The following DSCAM variants were observed in gnomAD, a reference collection of about 807,000 sequenced individuals.
DSCAM encodes the protein cell adhesion molecule DSCAM.
DSCAM carries 47 observed loss-of-function variants against 217.7 expected under a neutral mutation model. That is an observed-to-expected ratio of 0.22 (90% CI 0.17 to 0.28). DSCAM has a LOEUF of 0.28. Ranked by LOEUF, DSCAM falls within the 10% of genes least tolerant of loss-of-function variation. The pLI is 1.00. For missense variants in DSCAM, 2,080 were observed against 2,618.3 expected (o/e 0.79, Z 4.49); for synonymous variants, 1,056 against 1,015.3 (o/e 1.04, Z -0.76).
intron 3 of DSCAM, among the ~76,000 whole-genome samples, chr21:40,456,297 T>C (rs138984690): frequency 6.6e-6 from 1 of 151,660 alleles, no homozygotes; most frequent in Non-Finnish European, 1.5e-5. Context: ...AGAAAAAAAA[T>C]TTTTTAGAGT....
At chr21:40,580,075 G>A (rs2076892006) in intron 3 of DSCAM, among the ~76,000 whole-genome samples, 1 of 149,816 alleles carries the variant, frequency 6.7e-6, no homozygotes, top group African/African-American at 2.5e-5. Flanking sequence ...ACTTTACCAT[G>A]TTTAATTTTT....
At chr21:40,174,538 T>G (rs1431814888) in intron 15 of DSCAM, among the ~76,000 whole-genome samples, 1 of 151,702 alleles carries the variant, frequency 6.6e-6, no homozygotes, top group Non-Finnish European at 1.5e-5. Context: ...ATTCTTTTTT[T>G]TTTTTTTTAA....
chr21:40,277,131 C>G (rs1295749932), intron 10 of DSCAM, among the ~76,000 whole-genome samples: 1 of 152,014 alleles, frequency 6.6e-6, no homozygotes, highest in Non-Finnish European at 1.5e-5. Flanking sequence ...AAAGACTCTC[C>G]CAGGGCATTT....
chr21:40,135,177 C>A (rs2090194421), intron 18 of DSCAM, among the ~76,000 whole-genome samples: 1 of 152,194 alleles, frequency 6.6e-6, no homozygotes, highest in East Asian at 1.9e-4. Context: ...CACATTGGTA[C>A]CCAGAGCAGG....
At chr21:40,834,462 T>TAAG (rs1445143944) in intron 1 of DSCAM, among the ~76,000 whole-genome samples, 1 of 143,194 alleles carries the variant, frequency 7.0e-6, no homozygotes, top group Non-Finnish European at 1.5e-5. Flanking sequence ...ATAATAATAA[T>TAAG]AATAATAGTT....
At chr21:40,738,520 G>A (rs1253381624) in intron 1 of DSCAM, among the ~76,000 whole-genome samples, 1 of 152,140 alleles carries the variant, frequency 6.6e-6, no homozygotes, top group Non-Finnish European at 1.5e-5. Context: ...TTCATGATTG[G>A]TGGGTGCCCT....
intron 22 of DSCAM, among the ~76,000 whole-genome samples, chr21:40,086,830 T>C (rs147185979): frequency 6.6e-6 from 1 of 152,350 alleles, no homozygotes; most frequent in East Asian, 1.9e-4. Flanking sequence ...AATCTCACAA[T>C]AGCCTTGGCT....
intron 11 of DSCAM, among the ~76,000 whole-genome samples, chr21:40,259,658 ATTCTTTTTTTTT>A (rs2073421738): frequency 3.3e-5 from 2 of 60,144 alleles, no homozygotes; most frequent in African/African-American, 4.7e-5. Flanking sequence ...TGAGTCAGCC[ATTCTTTTTTTTT>A]TTTTTTTTTT....
chr21:40,456,803 G>A (rs761935597), intron 3 of DSCAM, among the ~76,000 whole-genome samples: 34 of 152,006 alleles, frequency 2.2e-4, no homozygotes, highest in Non-Finnish European at 1.8e-4. Flanking sequence ...GTTAATGGGT[G>A]CTCACAATAC....
At chr21:40,597,283 C>A (rs915880767) in intron 3 of DSCAM, among the ~76,000 whole-genome samples, 34 of 152,140 alleles carry the variant, frequency 2.2e-4, no homozygotes, top group African/African-American at 8.2e-4. Flanking sequence ...GAAAAATAAT[C>A]TACTTTTCCT....
intron 10 of DSCAM, among the ~76,000 whole-genome samples, chr21:40,293,494 T>G (rs972568749): frequency 5.3e-5 from 8 of 152,146 alleles, no homozygotes; most frequent in African/African-American, 1.9e-4. Context: ...AGTCCTCTTA[T>G]GAGAAAAATA....
chr21:40,836,799 G>A (rs775862328), intron 1 of DSCAM, among the ~76,000 whole-genome samples: 1 of 152,178 alleles, frequency 6.6e-6, no homozygotes, highest in Non-Finnish European at 1.5e-5. Flanking sequence ...GCTGGAAGAC[G>A]ACATAACAAA....
chr21:40,668,977 C>T (rs73220267), intron 3 of DSCAM, among the ~76,000 whole-genome samples: 2,991 of 152,242 alleles, frequency 0.02, 43 homozygotes, highest in Middle Eastern at 0.031. Flanking sequence ...ATATCACCTC[C>T]GTGCCAAACA....
At chr21:40,259,827 C>T (rs1274274968) in intron 11 of DSCAM, among the ~76,000 whole-genome samples, 4 of 151,708 alleles carry the variant, frequency 2.6e-5, no homozygotes, top group African/African-American at 9.7e-5. Flanking sequence ...GTGCCCGCCA[C>T]CACACCTGTT....
At chr21:40,641,716 T>C (rs1156724570) in intron 3 of DSCAM, among the ~76,000 whole-genome samples, 2 of 152,202 alleles carry the variant, frequency 1.3e-5, no homozygotes, top group African/African-American at 4.8e-5. Flanking sequence ...TTATTTACTC[T>C]GACATGGAGA....
At chr21:40,843,473 A>G (rs1016442787) in intron 1 of DSCAM, among the ~76,000 whole-genome samples, 1 of 151,830 alleles carries the variant, frequency 6.6e-6, no homozygotes, top group Non-Finnish European at 1.5e-5. Context: ...ATTCTTCATC[A>G]TTCTGTTTGT....
intron 3 of DSCAM, among the ~76,000 whole-genome samples, chr21:40,592,110 G>T (rs2076988333): frequency 6.6e-6 from 1 of 152,036 alleles, no homozygotes; most frequent in Non-Finnish European, 1.5e-5. Flanking sequence ...CATCCAGGAA[G>T]GCAGTAATAC....
chr21:40,661,169 A>G (rs560922897), intron 3 of DSCAM, among the ~76,000 whole-genome samples: 66 of 152,348 alleles, frequency 4.3e-4, no homozygotes, highest in Non-Finnish European at 3.4e-4. Flanking sequence ...AGCATGCACG[A>G]TATCATTTAT....
chr21:40,507,311 C>A (rs1192615172), intron 3 of DSCAM, among the ~76,000 whole-genome samples: 1 of 151,972 alleles, frequency 6.6e-6, no homozygotes, highest in Non-Finnish European at 1.5e-5. Flanking sequence ...TTTAAAAAAA[C>A]AGCCGCAACT....
Sources: gnomAD v4.1 joint callset for allele counts (sites outside exome capture counted in the v4.1 genomes callset) on GRCh38, gnomAD v4.1.1 for gene constraint, MANE v1.5 for transcripts, NCBI Gene and HGNC (gene_info 2026-07-23, HGNC 2026-07-21) for gene names.